The following HCN1 variants were observed in gnomAD, a reference collection of about 807,000 sequenced individuals.
The protein encoded by HCN1 is hyperpolarization activated cyclic nucleotide gated potassium channel 1.
In HCN1, 13 loss-of-function variants were observed where a neutral mutation model predicts 78.9. The ratio of observed to expected loss-of-function variants is 0.16; its 90% CI spans 0.11 to 0.26. HCN1 has a LOEUF of 0.26. Among genes scored for constraint, HCN1 ranks in the 10% least tolerant of loss-of-function variants. The pLI is 1.00. For missense variants in HCN1, 810 were observed against 1,154.3 expected (o/e 0.70, Z 4.32); for synonymous variants, 552 against 455.5 (o/e 1.21, Z -2.70).
intron 1 of HCN1, among the ~76,000 whole-genome samples, chr5:45,681,366 A>G (rs991146534): frequency 1.3e-5 from 2 of 152,102 alleles, no homozygotes; most frequent in Non-Finnish European, 2.9e-5. Context: ...GCAAAAACTA[A>G]GCTGACATCT....
At chr5:45,432,969 T>A (rs1740493616) in intron 3 of HCN1, among the ~76,000 whole-genome samples, 1 of 151,980 alleles carries the variant, frequency 6.6e-6, no homozygotes, top group Non-Finnish European at 1.5e-5. Flanking sequence ...CAAGAGAGTG[T>A]GTGCAGGGGA....
intron 4 of HCN1, among the ~76,000 whole-genome samples, chr5:45,392,168 T>A (rs373791678): frequency 1.3e-5 from 2 of 152,280 alleles, no homozygotes; most frequent in East Asian, 1.9e-4. Context: ...GGGATTTGAA[T>A]AGCTTGAAGA....
chr5:45,430,875 C>A (rs1740449420), intron 3 of HCN1, among the ~76,000 whole-genome samples: 1 of 152,046 alleles, frequency 6.6e-6, no homozygotes, highest in Non-Finnish European at 1.5e-5. Flanking sequence ...GATTCCATGT[C>A]TTTGCTATTG....
intron 2 of HCN1, among the ~76,000 whole-genome samples, chr5:45,520,077 C>T (rs760578106): frequency 6.6e-6 from 1 of 151,954 alleles, no homozygotes; most frequent in African/African-American, 2.4e-5. Context: ...GGGCATTAAT[C>T]ACTATATTAT....
intron 1 of HCN1, among the ~76,000 whole-genome samples, chr5:45,652,056 T>C (rs1052868066): frequency 6.6e-5 from 10 of 151,974 alleles, no homozygotes; most frequent in Non-Finnish European, 1.5e-4. Context: ...GATGGGTGGG[T>C]GGTGCATTGT....
intron 2 of HCN1, among the ~76,000 whole-genome samples, chr5:45,534,882 C>T (rs1742936162): frequency 6.6e-6 from 1 of 152,114 alleles, no homozygotes; most frequent in African/African-American, 2.4e-5. Context: ...TTTCTTCCAA[C>T]CTATAAAATT....
At chr5:45,655,073 T>G (rs960336550) in intron 1 of HCN1, among the ~76,000 whole-genome samples, 2 of 152,132 alleles carry the variant, frequency 1.3e-5, no homozygotes, top group South Asian at 2.1e-4. Flanking sequence ...GCAGGTGTGA[T>G]GGACAGCACA....
chr5:45,401,566 CTAAA>C (rs1400746998), intron 3 of HCN1, among the ~76,000 whole-genome samples: 2 of 151,682 alleles, frequency 1.3e-5, no homozygotes, highest in African/African-American at 4.8e-5. Context: ...AAAGCTATCT[CTAAA>C]TAAGATTATT....
intron 6 of HCN1, among the ~76,000 whole-genome samples, chr5:45,276,404 T>A (rs1462807234): frequency 6.6e-6 from 1 of 151,962 alleles, no homozygotes. Flanking sequence ...AAGTCTGGAG[T>A]GGGATGAAAG....
chr5:45,255,811 C>T lies in HCN1; in HGVS notation c.*6110G>A, dbSNP rs1744599218. On this transcript the variant is annotated 3_prime_UTR_variant, in exon 8 of 8. Transcript: ENST00000303230. The stretch of plus-strand genomic sequence containing the variant: ...TCACAAATTTAACAGGAAATAAAAA[C>T]CTTTCAAGAAAGTCTCTTTGCCTCT... 1 of 152,034 alleles carries T rather than the reference C, an allele frequency of 6.6e-6. No homozygotes were observed. Among genetic ancestry groups the T allele is most frequent in the South Asian group, 2.1e-4 (1 of 4,826 alleles). 9.4% of individuals were successfully genotyped at this position (152,034 alleles called of 1,614,324 possible).
rs547367402 is a variant in HCN1, at chr5:45,497,902, T to G, written c.850-35895A>C. Among the ~76,000 whole-genome samples the G allele has an allele frequency of 1.2e-3, 189 of 152,320 alleles. 1 individual carries two copies. Among genetic ancestry groups the G allele is most frequent in the African/African-American group, 4.2e-3 (176 of 41,582 alleles). On this transcript the variant is annotated intron_variant, in intron 2 of 7. Coordinates refer to ENST00000303230, the MANE Select transcript of HCN1 (RefSeq NM_021072.4). ...TGAAAATTCTTTTCTTTAAGAATGT[T>G]GAATATTGGCCCCCACTCTCTTCTG... is the stretch of plus-strand genomic sequence containing the variant.
intron 2 of HCN1, among the ~76,000 whole-genome samples, chr5:45,609,194 C>T (rs1419751073): frequency 2.0e-5 from 3 of 152,046 alleles, no homozygotes; most frequent in South Asian, 4.1e-4. Flanking sequence ...CTGCCCATAT[C>T]TTGTAACTTG....
At chr5:45,262,985 C>T (rs181281888) in intron 7 of HCN1, among the ~76,000 whole-genome samples, 175 bp from the exon 8 acceptor site, 2 of 152,288 alleles carry the variant, frequency 1.3e-5, no homozygotes, top group African/African-American at 2.4e-5. Flanking sequence ...TTTCACACTT[C>T]CTGTATTTCT....
intron 2 of HCN1, among the ~76,000 whole-genome samples, chr5:45,636,637 C>G (rs1745360705): frequency 6.6e-6 from 1 of 151,982 alleles, no homozygotes; most frequent in Non-Finnish European, 1.5e-5. Context: ...AGCTTGAGGC[C>G]AGGAGTTCCA....
chr5:45,665,087 G>A (rs1310582844), intron 1 of HCN1, among the ~76,000 whole-genome samples: 1 of 151,256 alleles, frequency 6.6e-6, no homozygotes, highest in African/African-American at 2.4e-5. Flanking sequence ...AGAAAATGTG[G>A]CACATATTCA....
intron 3 of HCN1, among the ~76,000 whole-genome samples, chr5:45,433,327 ATGT>A (rs1429221664): frequency 6.6e-6 from 1 of 152,004 alleles, no homozygotes; most frequent in Non-Finnish European, 1.5e-5. Context: ...CCTGAAGTTT[ATGT>A]TGTTATTATT....
chr5:45,430,235 A>G (rs1220046793), intron 3 of HCN1, among the ~76,000 whole-genome samples: 2 of 152,142 alleles, frequency 1.3e-5, no homozygotes, highest in African/African-American at 2.4e-5. Context: ...AGCCACAGCA[A>G]TTTGCTGAGT....
intron 2 of HCN1, among the ~76,000 whole-genome samples, chr5:45,598,172 A>G (rs904702737): frequency 9.3e-4 from 141 of 152,310 alleles, no homozygotes; most frequent in African/African-American, 3.3e-3. Flanking sequence ...ACTATACTAC[A>G]AGGCTACAGC....
At chr5:45,285,038 C>G (rs1745240954) in intron 6 of HCN1, among the ~76,000 whole-genome samples, 1 of 152,006 alleles carries the variant, frequency 6.6e-6, no homozygotes, top group South Asian at 2.1e-4. Flanking sequence ...ATATTAGGGT[C>G]ATGCTTCACT....
Sources: allele counts gnomAD v4.1 joint callset (sites outside exome capture counted in the v4.1 genomes callset), GRCh38; gene constraint gnomAD v4.1.1; transcripts MANE v1.5; gene names NCBI Gene and HGNC (gene_info 2026-07-23, HGNC 2026-07-21).